Variants in TMEM63B observed in about 807,000 individuals in gnomAD.
TMEM63B encodes mechanosensitive cation channel TMEM63B.
TMEM63B carries 23 observed loss-of-function variants against 102.6 expected under a neutral mutation model. That is an observed-to-expected ratio of 0.22 (90% CI 0.16 to 0.32). The LOEUF (loss-of-function observed/expected upper bound fraction) is 0.32. TMEM63B is among the 10% of genes least tolerant of loss of function. TMEM63B has a pLI of 1.00. For missense variants in TMEM63B, 628 were observed against 1,095.9 expected (o/e 0.57, Z 6.03); for synonymous variants, 444 against 437.0 (o/e 1.02, Z -0.20).
At chr6:44,134,513 T>C in intron 1 of TMEM63B, 48 bp from the exon 2 acceptor site, 1 of 1,570,412 alleles carries the variant, frequency 6.4e-7, no homozygotes. Context: ...TACTGGGCCA[T>C]GAAGGGGATG....
Position 44,148,416 on chromosome 6 carries a change from G to GCAGC in TMEM63B, c.1121+33_1121+36dup. On this transcript the variant is annotated intron_variant, in intron 13 of 23. Coordinates refer to ENST00000323267, the MANE Select transcript of TMEM63B (RefSeq NM_018426.3). The surrounding 1 kb of genome is among the most constrained non-coding windows in gnomAD (Gnocchi z 5.1). ...TCCCCAACTCGGCCCTCGGCCCTGA[G>GCAGC]CAGCCCTCCAGGGCTCCCTGACCCC... 6.2e-7 allele frequency: 1 copy of GCAGC among 1,614,118 alleles called. No homozygotes were observed. Among genetic ancestry groups the GCAGC allele is most frequent in the South Asian group, 1.1e-5 (1 of 91,082 alleles).
Position 44,150,193 on chromosome 6 carries a change from C to T in TMEM63B, c.1521-31C>T. 3.8e-6 allele frequency: 6 copies of T among 1,599,758 alleles called. No individual in the cohort carries two copies. Among genetic ancestry groups the T allele is most frequent in the Non-Finnish European group, 5.1e-6 (6 of 1,168,526 alleles). On this transcript the variant is annotated intron_variant, in intron 16 of 23. Coordinates refer to ENST00000323267, the MANE Select transcript of TMEM63B (RefSeq NM_018426.3). The surrounding 1 kb of genome is among the most constrained non-coding windows in gnomAD (Gnocchi z 4.7). ...AAGTCTGGGGCCTGGGCTCACTTGA[C>T]CTGTACCGTTCCCTGCTCCCCTCCC...
chr6:44,154,978 C>CT lies in TMEM63B; in HGVS notation c.*97dup. On this transcript the variant is annotated 3_prime_UTR_variant, in exon 24 of 24. Coordinates refer to ENST00000323267, the MANE Select transcript of TMEM63B (RefSeq NM_018426.3). The stretch of plus-strand genomic sequence containing the variant: ...TAATAATTTATTAGATCTAAAGCCC[C>CT]TTCCTCCCCAGCCCCTGCTTTCATT... 8.4e-7 allele frequency: 1 copy of CT among 1,190,540 alleles called. No homozygotes were observed. The highest frequency in any genetic ancestry group is 1.1e-6 in the Non-Finnish European group (1 of 880,994). 73.7% of individuals were successfully genotyped at this position (1,190,540 alleles called of 1,614,324 possible).
intron 4 of TMEM63B, 36 bp from the exon 5 acceptor site, chr6:44,136,313 C>A (rs1211930279): frequency 6.3e-7 from 1 of 1,595,292 alleles, no homozygotes; most frequent in Non-Finnish European, 8.6e-7. Context: ...CTCAGACTCA[C>A]CAGGCTCTCT....
intron 6 of TMEM63B, chr6:44,139,004 A>G: frequency 4.0e-6 from 1 of 250,298 alleles, no homozygotes; most frequent in Non-Finnish European, 7.9e-6. Context: ...AGGCTCAGCC[A>G]CACCCATGAG....
At chr6:44,132,644 C>A (rs1012436621) in intron 1 of TMEM63B, among the ~76,000 whole-genome samples, 1 of 152,130 alleles carries the variant, frequency 6.6e-6, no homozygotes, top group Admixed American at 6.5e-5. Flanking sequence ...ACCCGGGCTC[C>A]CAGACACACC....
chr6:44,154,419 A>G lies in TMEM63B; in HGVS notation c.2281A>G (p.Thr761Ala), dbSNP rs765580680. 6.2e-7 allele frequency: 1 copy of G among 1,613,986 alleles called. No homozygotes were observed. Among genetic ancestry groups the G allele is most frequent in the Non-Finnish European group, 8.5e-7 (1 of 1,179,932 alleles). ...CCCCAGAAGCAATGGACGGCCCCCC[A>G]CTGCTGCTGCTGTCCCCAAATCTGC... ...VDPRSNGRPP[T>A]AAAVPKSAKY... The change falls in exon 23 of 24, where the codon ACT (threonine) becomes GCT (alanine). Residue 761 changes from threonine to alanine, a missense_variant. Transcript: ENST00000323267.
chr6:44,138,378 C>A, intron 5 of TMEM63B, 102 bp from the exon 6 acceptor site: 1 of 1,447,352 alleles, frequency 6.9e-7, no homozygotes, highest in Non-Finnish European at 9.7e-7. Flanking sequence ...GGTGTGGAAG[C>A]TATGCCTGGA....
chr6:44,131,665 G>A (rs1488813712), intron 1 of TMEM63B, among the ~76,000 whole-genome samples: 1 of 152,042 alleles, frequency 6.6e-6, no homozygotes. Context: ...GTTGCAGTGA[G>A]CCAAGATCGC....
intron 10 of TMEM63B, among the ~76,000 whole-genome samples, chr6:44,141,697 T>G (rs1300133246): frequency 6.6e-6 from 1 of 152,172 alleles, no homozygotes; most frequent in Non-Finnish European, 1.5e-5. Flanking sequence ...GAAGGGCCCC[T>G]CCATGGGGGT....
chr6:44,138,636 C>T (rs1763492841), intron 6 of TMEM63B, 119 bp downstream of exon 6: 1 of 1,205,072 alleles, frequency 8.3e-7, no homozygotes, highest in African/African-American at 1.5e-5. Context: ...AGCACAGCAC[C>T]CTCCTCCCTG....
In TMEM63B at chr6:44,151,939, A is replaced by C. The variant is rs3734697; in HGVS notation, c.1767A>C (p.Pro589=). ...ACGCCATGGACCTGCTGCGCATCCC[A>C]GGCCTGCTCATGTACATGATCCGGC... The part of the protein sequence containing the change: ...IGNAMDLLRI[P]GLLMYMIRLC... Residue 589 remains proline, a synonymous_variant, in exon 19 of 24, where the codon CCA becomes CCC. Transcript: ENST00000323267. 2 of 1,613,264 alleles carry C rather than the reference A, an allele frequency of 1.2e-6. No individual in the cohort carries two copies. The highest frequency in any genetic ancestry group is 3.3e-5 in the Admixed American group (2 of 59,824).
chr6:44,154,998 T>C lies in TMEM63B; in HGVS notation c.*115T>C, dbSNP rs1767742146. ...AGCCCCTTCCTCCCCAGCCCCTGCT[T>C]TCATTAAGGTATTTAAACTTGGGGG... On this transcript the variant is annotated 3_prime_UTR_variant, in exon 24 of 24. Coordinates refer to ENST00000323267, the MANE Select transcript of TMEM63B (RefSeq NM_018426.3). 1 of 1,027,078 alleles carries C rather than the reference T, an allele frequency of 9.7e-7. No homozygotes were observed. Among genetic ancestry groups the C allele is most frequent in the Non-Finnish European group, 1.3e-6 (1 of 744,002 alleles). 63.6% of individuals were successfully genotyped at this position (1,027,078 alleles called of 1,614,324 possible). A position where few individuals can be genotyped will look rare whatever the true frequency, so the allele number is the denominator to read the frequency against.
In TMEM63B at chr6:44,147,509, C is replaced by T. The variant is rs1379181903; in HGVS notation, c.987+9C>T. 22 of 1,613,902 alleles carry T rather than the reference C, an allele frequency of 1.4e-5. No homozygotes were observed. Among genetic ancestry groups the T allele is most frequent in the East Asian group, 2.2e-5 (1 of 44,878 alleles). Reference sequence around the variant, plus strand: ...TGCGAGGCTGTGAGCAGGTATGACGCGGGCTGGCTGTTGAGTCGGGAGAAG... The same window carrying T: ...TGCGAGGCTGTGAGCAGGTATGACGTGGGCTGGCTGTTGAGTCGGGAGAAG... On this transcript the variant is annotated intron_variant, in intron 12 of 23. Transcript: ENST00000323267.
chr6:44,135,026 T>A lies in TMEM63B; in HGVS notation c.169T>A (p.Phe57Ile), dbSNP rs1762642959. 2 of 1,614,110 alleles carry A rather than the reference T, an allele frequency of 1.2e-6. No individual in the cohort carries two copies. The highest frequency in any genetic ancestry group is 1.7e-6 in the Non-Finnish European group (2 of 1,180,038). ...CCCCCTCTTCCCTCAGGCACTGCTG[T>A]TCTTATTCTCTATCCTCCGGAAGGT... is the stretch of plus-strand genomic sequence containing the variant. ...LDFMCFLALL[F>I]LFSILRKVAW... Residue 57 changes from phenylalanine (F) to isoleucine (I), a missense_variant, in exon 3 of 24, where the codon TTC (phenylalanine) becomes ATC (isoleucine). Around this residue, in one of 6 missense-constraint regions of TMEM63B, gnomAD observed 336 missense variants for 580.3 expected, o/e 0.58. Transcript: ENST00000323267.
In TMEM63B at chr6:44,150,216, C is replaced by G. The variant is rs756554352; in HGVS notation, c.1521-8C>G. The G allele has an allele frequency of 1.4e-5, 23 of 1,613,058 alleles. No homozygotes were observed. The South Asian group carries it at 2.4e-4, about 17-fold the overall frequency. ...GACCTGTACCGTTCCCTGCTCCCCT[C>G]CCTCCAGCTCTGGGGAGAACAGGAC... On this transcript the variant is annotated splice_polypyrimidine_tract_variant and splice_region_variant and intron_variant, in intron 16 of 23. Transcript: ENST00000323267. This position sits in a 1 kb window ranked among gnomAD's most constrained non-coding sequence, Gnocchi z 4.7.
At chr6:44,131,346 A>T (rs1184037124) in intron 1 of TMEM63B, among the ~76,000 whole-genome samples, 1 of 152,174 alleles carries the variant, frequency 6.6e-6, no homozygotes, top group Non-Finnish European at 1.5e-5. Context: ...GTTTCGTAGT[A>T]ACAGAGCTCG....
chr6:44,135,819 T>C (rs542564314), intron 4 of TMEM63B, among the ~76,000 whole-genome samples: 2 of 152,334 alleles, frequency 1.3e-5, no homozygotes, highest in Admixed American at 6.5e-5. Context: ...TGGGCTTTTT[T>C]GTCACTTTGT....
chr6:44,132,198 C>T, intron 1 of TMEM63B: 2 of 944,106 alleles, frequency 2.1e-6, no homozygotes, highest in Non-Finnish European at 2.5e-6. Flanking sequence ...TGAGTGTGCC[C>T]TGCCTTCCTC....
Sources: allele counts gnomAD v4.1 joint callset (sites outside exome capture counted in the v4.1 genomes callset), GRCh38; gene constraint gnomAD v4.1.1; regional missense constraint gnomAD v4.1.1; non-coding constraint Gnocchi (gnomAD v3.1); transcripts MANE v1.5; gene names NCBI Gene and HGNC (gene_info 2026-07-23, HGNC 2026-07-21).